The following FAM76A variants were observed in gnomAD, a reference collection of about 807,000 sequenced individuals.
FAM76A encodes family with sequence similarity 76 member A.
Under a neutral mutation model 46.2 loss-of-function variants are expected in FAM76A, and 32 were observed. The ratio of observed to expected loss-of-function variants is 0.69; its 90% CI spans 0.52 to 0.93. The LOEUF is 0.93. Among genes scored for constraint, FAM76A ranks in the 40% least tolerant of loss-of-function variants. The pLI is 0.00. For synonymous variants in FAM76A, 137 were observed against 127.0 expected, an observed-to-expected ratio of 1.08 and a Z score of -0.53; for missense variants, 274 against 361.5, an observed-to-expected ratio of 0.76 and a Z score of 1.96.
chr1:27,740,397 T>C, intron 4 of FAM76A: 2 of 1,375,294 alleles, frequency 1.5e-6, no homozygotes, highest in Non-Finnish European at 2.1e-6. Context: ...AAGGCAGAAA[T>C]TCATGGATGA....
Position 27,755,341 on chromosome 1 carries a change from G to C in FAM76A, c.735+11G>C, listed in dbSNP as rs372249020. On this transcript the variant is annotated intron_variant, in intron 7 of 8. Transcript: ENST00000373954. ...GAGAAAGAGAAGAAGGTATGGTTTAGTTAATTCCTCTCTGACCAGAATGAT... is the reference window on the plus strand; with the variant it reads ...GAGAAAGAGAAGAAGGTATGGTTTACTTAATTCCTCTCTGACCAGAATGAT... The C allele has an allele frequency of 2.0e-5, 32 of 1,613,834 alleles. No individual in the cohort carries two copies. In the African/African-American group the frequency reaches 4.3e-4, roughly 22 times the overall value.
At chr1:27,741,727 A>T (rs1174011750) in intron 4 of FAM76A, among the ~76,000 whole-genome samples, 1 of 151,768 alleles carries the variant, frequency 6.6e-6, no homozygotes, top group Non-Finnish European at 1.5e-5. Flanking sequence ...CTAAAAATAT[A>T]AAAAAATTAG....
At chr1:27,731,526 G>T (rs1056868464) in intron 2 of FAM76A, among the ~76,000 whole-genome samples, 1 of 152,014 alleles carries the variant, frequency 6.6e-6, no homozygotes, top group Non-Finnish European at 1.5e-5. Context: ...CAAAATATTT[G>T]ATCATAGTGT....
chr1:27,758,968 G>T (rs1397663778), intron 7 of FAM76A, among the ~76,000 whole-genome samples: 2 of 152,006 alleles, frequency 1.3e-5, no homozygotes, highest in South Asian at 2.1e-4. Context: ...TTATCTGCCT[G>T]TGCCTATACT....
chr1:27,732,507 C>G, intron 2 of FAM76A, 96 bp from the exon 3 acceptor site: 1 of 928,276 alleles, frequency 1.1e-6, no homozygotes, highest in Non-Finnish European at 1.7e-6. Context: ...CCATATCTCA[C>G]TTTGGCCCTT....
At chr1:27,757,666 G>A (rs1346464968) in intron 7 of FAM76A, among the ~76,000 whole-genome samples, 1 of 151,648 alleles carries the variant, frequency 6.6e-6, no homozygotes, top group African/African-American at 2.4e-5. Context: ...ACCATGCCTG[G>A]CCCATTTATT....
At chr1:27,750,698 G>T (rs1475138105) in intron 6 of FAM76A, among the ~76,000 whole-genome samples, 1 of 152,122 alleles carries the variant, frequency 6.6e-6, no homozygotes, top group African/African-American at 2.4e-5. Context: ...TTTTGTTCTT[G>T]AGATACTGCC....
chr1:27,740,587 T>C, intron 4 of FAM76A: 1 of 922,982 alleles, frequency 1.1e-6, no homozygotes. Context: ...TGTTAAGAAA[T>C]ATATGTTCAG....
At chr1:27,729,831 A>T (rs1767523) in intron 2 of FAM76A, among the ~76,000 whole-genome samples, 2 of 151,992 alleles carry the variant, frequency 1.3e-5, no homozygotes, top group Non-Finnish European at 2.9e-5. Flanking sequence ...TTTTACAAAC[A>T]TAGACATCTG....
chr1:27,743,528 G>A (rs2088190360), intron 4 of FAM76A, among the ~76,000 whole-genome samples: 1 of 152,100 alleles, frequency 6.6e-6, no homozygotes, highest in Non-Finnish European at 1.5e-5. Flanking sequence ...ACTTTGGGAG[G>A]CCAAGACAGG....
At chr1:27,736,087 T>A (rs2088039207) in intron 4 of FAM76A, among the ~76,000 whole-genome samples, 1 of 152,102 alleles carries the variant, frequency 6.6e-6, no homozygotes, top group Admixed American at 6.6e-5. Context: ...TTTGGGAGGC[T>A]GAAGTGGATG....
chr1:27,728,970 A>G (rs1025320883), intron 2 of FAM76A, among the ~76,000 whole-genome samples: 5 of 152,096 alleles, frequency 3.3e-5, no homozygotes, highest in African/African-American at 1.2e-4. Flanking sequence ...TCTCAAAAAA[A>G]AAAAAAAGTG....
chr1:27,737,287 T>A (rs1479234413), intron 4 of FAM76A, among the ~76,000 whole-genome samples: 1 of 152,148 alleles, frequency 6.6e-6, no homozygotes, highest in Non-Finnish European at 1.5e-5. Flanking sequence ...AAGAGACAGA[T>A]CTGAAAAAAA....
chr1:27,732,446 TAA>T (rs1313823127), intron 2 of FAM76A, among the ~76,000 whole-genome samples, 155 bp from the exon 3 acceptor site: 2 of 151,918 alleles, frequency 1.3e-5, no homozygotes, highest in Non-Finnish European at 2.9e-5. Context: ...TGAATAAAAA[TAA>T]AAGAGTTATT....
chr1:27,734,070 A>T lies in FAM76A; in HGVS notation c.241A>T (p.Ile81Phe). ...CQYCNIIAAF[I>F]GNKCQRCTNS... ...GTATTGCAACATAATTGCAGCATTT[A>T]TTGGGAATAAATGCCAGCGCTGCAC... The change falls in exon 4 of 9, where the codon ATT becomes TTT. Residue 81 changes from isoleucine (I) to phenylalanine (F), a missense_variant. Ile to Phe is a conservative substitution (Grantham distance 21). Transcript: ENST00000373954. 1.2e-6 allele frequency: 2 copies of T among 1,611,302 alleles called. No individual in the cohort carries two copies.
intron 7 of FAM76A, among the ~76,000 whole-genome samples, chr1:27,758,167 T>C (rs1478702313): frequency 6.6e-6 from 1 of 152,220 alleles, no homozygotes; most frequent in Admixed American, 6.5e-5. Context: ...CTTGCATTCA[T>C]CTAATTTCTA....
intron 6 of FAM76A, among the ~76,000 whole-genome samples, chr1:27,750,998 A>G (rs1473013418): frequency 6.6e-6 from 1 of 152,196 alleles, no homozygotes; most frequent in Non-Finnish European, 1.5e-5. Flanking sequence ...CACCATCTCT[A>G]AAGATTAGCT....
intron 6 of FAM76A, among the ~76,000 whole-genome samples, chr1:27,751,122 G>A (rs544703535): frequency 3.3e-5 from 5 of 151,908 alleles, no homozygotes; most frequent in Non-Finnish European, 1.5e-5. Flanking sequence ...CACTGCAGTT[G>A]AGCCTAGGCA....
At chr1:27,744,043 G>C (rs1181137459) in intron 4 of FAM76A, among the ~76,000 whole-genome samples, 41 of 152,058 alleles carry the variant, frequency 2.7e-4, no homozygotes, top group Admixed American at 2.7e-3. Flanking sequence ...GGTCTTGTGA[G>C]AATTTTACTC....
Sources: allele counts gnomAD v4.1 joint callset (sites outside exome capture counted in the v4.1 genomes callset), GRCh38; gene constraint gnomAD v4.1.1; transcripts MANE v1.5; gene names NCBI Gene and HGNC (gene_info 2026-07-23, HGNC 2026-07-21).